PAK2: variants seen among roughly 807,000 people sequenced by gnomAD.
PAK2 encodes the protein p21 (RAC1) activated kinase 2, also known as serine/threonine-protein kinase PAK 2.
A neutral mutation model predicts 65.9 loss-of-function variants in PAK2; 21 were observed. That is an observed-to-expected ratio of 0.32 (90% CI 0.23 to 0.46). The LOEUF (loss-of-function observed/expected upper bound fraction) is 0.46, where lower values mean the gene tolerates loss of function less well. Among genes scored for constraint, PAK2 ranks in the 20% least tolerant of loss-of-function variants. The pLI, the probability that PAK2 is intolerant of heterozygous loss-of-function variation, is 1.00. For synonymous variants in PAK2, 204 were observed against 219.7 expected (o/e 0.93, Z 0.63); for missense variants, 324 against 642.6 (o/e 0.50, Z 5.36).
rs540664070 is a variant in PAK2, at chr3:196,796,564, C to T, written c.188-5363C>T. Among the ~76,000 whole-genome samples, 5 of 152,260 alleles carry T rather than the reference C, an allele frequency of 3.3e-5. No individual in the cohort carries two copies. In the South Asian group the frequency reaches 1.0e-3, roughly 32 times the overall value. ...TAAAACCCATTGAAGTGTACAATTT[C>T]AACAGGTGAACATGATAGTATATGA... On this transcript the variant is annotated intron_variant, in intron 2 of 14. Coordinates refer to ENST00000327134, the MANE Select transcript of PAK2 (RefSeq NM_002577.4).
chr3:196,775,841 A>G (rs1406236771), intron 1 of PAK2, among the ~76,000 whole-genome samples: 2 of 152,176 alleles, frequency 1.3e-5, no homozygotes, highest in African/African-American at 4.8e-5. Context: ...GGTAAATACC[A>G]TTGCATGCAT....
At chr3:196,759,488 GGTTTTTTTTGTTTTTTTTTTT>G (rs1713876069) in intron 1 of PAK2, among the ~76,000 whole-genome samples, 2 of 111,112 alleles carry the variant, frequency 1.8e-5, no homozygotes, top group Admixed American at 2.0e-4. Flanking sequence ...ACAGTTAAGT[GGTTTTTTTTGTTTTTTTTTTT>G]TTTTTTTTTT....
chr3:196,743,946 C>T (rs1713288893), intron 1 of PAK2, among the ~76,000 whole-genome samples: 1 of 152,002 alleles, frequency 6.6e-6, no homozygotes. Flanking sequence ...GAGACCGTAA[C>T]TAAAAATAAA....
chr3:196,817,103 T>C (rs530443088), intron 11 of PAK2, among the ~76,000 whole-genome samples: 1 of 151,684 alleles, frequency 6.6e-6, no homozygotes, highest in South Asian at 2.1e-4. Flanking sequence ...GAGGAGCCTG[T>C]GCATGTTTAC....
intron 1 of PAK2, among the ~76,000 whole-genome samples, chr3:196,751,663 T>TATATACATATATATATA (rs1713589849): frequency 2.2e-5 from 1 of 45,728 alleles, no homozygotes; most frequent in African/African-American, 1.1e-4. Context: ...ACACACAAAT[T>TATATACATATATATATA]TATTTATATA....
intron 11 of PAK2, among the ~76,000 whole-genome samples, chr3:196,815,037 G>A (rs1160773558): frequency 5.9e-5 from 9 of 151,794 alleles, no homozygotes; most frequent in Admixed American, 2.6e-4. Context: ...AAAATTAGCC[G>A]GGCGTGTTGG....
intron 1 of PAK2, among the ~76,000 whole-genome samples, chr3:196,761,669 G>T (rs1713969649): frequency 7.2e-6 from 1 of 139,496 alleles, no homozygotes; most frequent in Non-Finnish European, 1.6e-5. Context: ...ATGAGCTGTT[G>T]GGCACACCTC....
chr3:196,812,868 C>T lies in PAK2; in HGVS notation c.935+17C>T. On this transcript the variant is annotated intron_variant, in intron 10 of 14. Transcript: ENST00000327134. ...TTTGGACAGGTAAGTATGACTATTCCTTAAACACCGGGAGAAAATGTAGAA... is the reference window on the plus strand; with the variant it reads ...TTTGGACAGGTAAGTATGACTATTCTTTAAACACCGGGAGAAAATGTAGAA... 1 of 1,042,116 alleles carries T rather than the reference C, an allele frequency of 9.6e-7. No homozygotes were observed. Among genetic ancestry groups the T allele is most frequent in the Admixed American group, 1.9e-5 (1 of 53,282 alleles). 64.6% of individuals were successfully genotyped at this position (1,042,116 alleles called of 1,614,324 possible).
At chr3:196,803,257 T>C (rs1577732865) in intron 4 of PAK2, 93 bp downstream of exon 4, 5 of 1,011,324 alleles carry the variant, frequency 4.9e-6, no homozygotes, top group Non-Finnish European at 7.2e-6. Context: ...AGCTAAACTA[T>C]GGTTCTTGTT....
chr3:196,827,068 A>G (rs560370679), intron 13 of PAK2, 128 bp from the exon 14 acceptor site: 3 of 509,006 alleles, frequency 5.9e-6, no homozygotes, highest in East Asian at 3.2e-5. Context: ...AAATGGGATA[A>G]TGATAACCCC....
At position 196,791,608 on chromosome 3, in the gene PAK2, GTT is replaced by G. The variant is rs1244670524; in HGVS notation, c.187+8780_187+8781del. The stretch of plus-strand genomic sequence containing the variant: ...TATTTTATATTTCTTATTTCAGAAT[GTT>G]TTTTCTTTATGTGTTAAGAAATATA... On this transcript the variant is annotated intron_variant, in intron 2 of 14. Transcript: ENST00000327134. This position sits in a 1 kb window ranked among gnomAD's most constrained non-coding sequence, Gnocchi z 4.0. 1.3e-5 allele frequency among the ~76,000 whole-genome samples: 2 copies of G among 151,968 alleles called. No homozygotes were observed. Among genetic ancestry groups the G allele is most frequent in the Non-Finnish European group, 2.9e-5 (2 of 67,984 alleles).
rs79960512 is a variant in PAK2 at position 196,773,042 on chromosome 3, C to T, written c.-21-9584C>T. On this transcript the variant is annotated intron_variant, in intron 1 of 14. Transcript: ENST00000327134. ...GGCTGACCGGTTCCAGATACCACTC[C>T]GCTGTTCGTTTCTGCTGTATATTTA... 1.4e-4 allele frequency among the ~76,000 whole-genome samples: 22 copies of T among 152,252 alleles called. No homozygotes were observed. The East Asian group carries it at 3.5e-3, about 24-fold the overall frequency.
At chr3:196,784,878 T>G in intron 2 of PAK2, 1 of 151,956 alleles carries the variant, frequency 6.6e-6, no homozygotes, top group African/African-American at 2.4e-5. Context: ...CCACATCCTC[T>G]CCAGCACCTG....
chr3:196,803,019 C>A lies in PAK2; in HGVS notation c.291C>A (p.Gly97=). The A allele has an allele frequency of 6.4e-7, 1 of 1,560,550 alleles. No individual in the cohort carries two copies. Among genetic ancestry groups the A allele is most frequent in the Non-Finnish European group, 8.6e-7 (1 of 1,158,470 alleles). ...ATTTCTGAATATCTTCTTGTTAGGG[C>A]ATGCCAGAACAGTGGGCTCGATTAC... ...GFDAVTGEFT[G]MPEQWARLLQ... Residue 97 remains glycine, a splice_region_variant and synonymous_variant, in exon 4 of 15, where the codon GGC becomes GGA. Coordinates refer to ENST00000327134, the MANE Select transcript of PAK2 (RefSeq NM_002577.4).
At chr3:196,743,311 T>TA (rs1037618976) in intron 1 of PAK2, among the ~76,000 whole-genome samples, 1 of 152,198 alleles carries the variant, frequency 6.6e-6, no homozygotes, top group Non-Finnish European at 1.5e-5. Flanking sequence ...GGTTAGGAGC[T>TA]AGAGTCCTGC....
At chr3:196,811,052 TA>T (rs1392447118) in intron 8 of PAK2, among the ~76,000 whole-genome samples, 1 of 152,008 alleles carries the variant, frequency 6.6e-6, no homozygotes, top group Non-Finnish European at 1.5e-5. Context: ...TTTGTATTTT[TA>T]AAGTATACTA....
intron 4 of PAK2, among the ~76,000 whole-genome samples, chr3:196,804,294 A>G (rs1322757576): frequency 2.0e-5 from 3 of 152,166 alleles, no homozygotes; most frequent in East Asian, 1.9e-4. Context: ...TGTTGAGTCT[A>G]GTACACCGTT....
intron 2 of PAK2, among the ~76,000 whole-genome samples, chr3:196,784,569 T>G (rs543417889): frequency 8.0e-6 from 1 of 125,048 alleles, no homozygotes; most frequent in South Asian, 2.9e-4. Flanking sequence ...TCATTTTTTA[T>G]GGCTGCATAG....
intron 13 of PAK2, among the ~76,000 whole-genome samples, chr3:196,824,239 A>G (rs1420622419): frequency 1.3e-5 from 2 of 152,216 alleles, no homozygotes; most frequent in Non-Finnish European, 2.9e-5. Flanking sequence ...TGGTGATTAC[A>G]TAGATCCAGT....
Sources: gnomAD v4.1 joint callset for allele counts (sites outside exome capture counted in the v4.1 genomes callset) on GRCh38, gnomAD v4.1.1 for gene constraint, Gnocchi (gnomAD v3.1) non-coding constraint, MANE v1.5 for transcripts, NCBI Gene and HGNC (gene_info 2026-07-23, HGNC 2026-07-21) for gene names.